Variants in TCHP observed in about 807,000 individuals in gnomAD.
The protein encoded by TCHP is trichoplein keratin filament-binding protein.
Under a neutral mutation model 88.7 loss-of-function variants are expected in TCHP, and 81 were observed. The observed-to-expected ratio is 0.91, with a 90% CI of 0.76 to 1.10. The LOEUF (loss-of-function observed/expected upper bound fraction) is 1.10. Ranked by LOEUF, TCHP falls within the 50% of genes least tolerant of loss-of-function variation. The pLI is 0.00. For synonymous variants in TCHP, 232 were observed against 232.5 expected (o/e 1.00, Z 0.02); for missense variants, 641 against 632.1 (o/e 1.01, Z -0.15).
Position 109,914,457 on chromosome 12 carries a change from C to G in TCHP, c.1150C>G (p.Gln384Glu), listed in dbSNP as rs1183424191. 3.1e-6 allele frequency: 5 copies of G among 1,612,942 alleles called. No individual in the cohort carries two copies. Among genetic ancestry groups the G allele is most frequent in the Non-Finnish European group, 3.4e-6 (4 of 1,179,284 alleles). ...CTGAGGTTAGGTTCTGACAGGGAGA[C>G]AACAGCAAATACAAGAGAAGATTGA... ...RLMSEVLTGR[Q>E]QQIQEKIEQN... Residue 384 changes from glutamine (Q) to glutamate (E), a missense_variant, in exon 11 of 13, where the codon CAA becomes GAA. Gln to Glu is a conservative substitution (Grantham distance 29, BLOSUM62 2). Transcript: ENST00000405876.
chr12:109,892,846 G>A, the TCHP span, among the ~76,000 whole-genome samples: 1 of 152,050 alleles, frequency 6.6e-6, no homozygotes, highest in Non-Finnish European at 1.5e-5. Context: ...GGTCACCCAG[G>A]AACAGGACAA....
chr12:109,886,209 C>T, the TCHP span, among the ~76,000 whole-genome samples: 1 of 152,112 alleles, frequency 6.6e-6, no homozygotes. Flanking sequence ...GCGATCTCGG[C>T]TCACTAAAAC....
rs564947985 is a variant in TCHP at position 109,914,273 on chromosome 12, C to T, written c.1135-169C>T. The stretch of plus-strand genomic sequence containing the variant: ...TTTCTTGTATACTGGCAAGCGTGGC[C>T]GACATCGTGAGAGCAAATCCTGTCA... On this transcript the variant is annotated intron_variant, in intron 10 of 12. Coordinates refer to ENST00000405876, the MANE Select transcript of TCHP (RefSeq NM_001143852.2). 5.2e-4 allele frequency: 295 copies of T among 572,390 alleles called. 1 individual carries two copies. The highest frequency in any genetic ancestry group is 1.8e-3 in the Middle Eastern group (4 of 2,250). The allele number at this position is 572,390 out of a possible 1,614,324, so 35.5% of individuals were successfully genotyped here.
intron 1 of TCHP, among the ~76,000 whole-genome samples, chr12:109,902,248 A>G (rs7956131): frequency 0.15 from 22,129 of 151,880 alleles, 2,476 homozygotes; most frequent in African/African-American, 0.32. Context: ...ATGGCTCGCT[A>G]CAGCCGTGAC....
At chr12:109,898,979 C>T (rs144127575), upstream of TCHP, among the ~76,000 whole-genome samples, 115 of 152,144 alleles carry the variant, frequency 7.6e-4, 1 homozygote, top group Middle Eastern at 3.4e-3. Flanking sequence ...CCATCATGCC[C>T]GGCTAATTTT....
At chr12:109,907,256 T>C (rs1234955430) in intron 5 of TCHP, among the ~76,000 whole-genome samples, 1 of 152,252 alleles carries the variant, frequency 6.6e-6, no homozygotes, top group Admixed American at 6.5e-5. Flanking sequence ...CTCGCAGCCC[T>C]GGCTTACTGT....
intron 11 of TCHP, chr12:109,914,990 C>T (rs1430067862): frequency 1.8e-5 from 7 of 398,072 alleles, no homozygotes; most frequent in South Asian, 2.4e-5. Context: ...GTACACGCCA[C>T]GCATATGTAT....
At chr12:109,896,193 C>T (rs926767334), upstream of TCHP, among the ~76,000 whole-genome samples, 3 of 152,146 alleles carry the variant, frequency 2.0e-5, no homozygotes, top group African/African-American at 4.8e-5. Context: ...GTGATCCATC[C>T]GCCTTGGCCT....
rs748406423 is a variant in TCHP, at chr12:109,903,108, G to A, written c.82G>A (p.Ala28Thr). The A allele has an allele frequency of 1.2e-6, 2 of 1,614,104 alleles. No homozygotes were observed. The highest frequency in any genetic ancestry group is 1.1e-5 in the South Asian group (1 of 91,080). ...QQLARQREQE[A>T]RLRQQWEQNS... is the part of the protein sequence containing the mutation. ...GCTAGCACGACAGCGAGAGCAGGAG[G>A]CCCGGCTTCGGCAGCAGTGGGAGCA... The change falls in exon 2 of 13, where the codon GCC becomes ACC. Residue 28 changes from alanine to threonine, a missense_variant. Ala to Thr is a moderately conservative substitution (Grantham distance 58, BLOSUM62 0). Transcript: ENST00000405876. The surrounding 1 kb of genome is among the most constrained non-coding windows in gnomAD (Gnocchi z 4.6).
chr12:109,911,376 C>T, intron 9 of TCHP, 141 bp downstream of exon 9: 1 of 512,174 alleles, frequency 2.0e-6, no homozygotes, highest in South Asian at 2.9e-5. Flanking sequence ...CTTTGAGAGG[C>T]CGAGGCAGGT....
Position 109,915,422 on chromosome 12 carries a change from A to G in TCHP, c.1340A>G (p.Gln447Arg), listed in dbSNP as rs771810814. 1 of 1,614,152 alleles carries G rather than the reference A, an allele frequency of 6.2e-7. No individual in the cohort carries two copies. The highest frequency in any genetic ancestry group is 2.2e-5 in the East Asian group (1 of 44,880). Residue 447 changes from glutamine (Q) to arginine (R), a missense_variant, in exon 12 of 13, where the codon CAG becomes CGG. By Grantham distance (43) the Gln-to-Arg change is conservative. Coordinates refer to ENST00000405876, the MANE Select transcript of TCHP (RefSeq NM_001143852.2). ...ACTCAGGTTGCAGAGCGCCGGCTGC[A>G]GGCATGGGAAGCAGACCAGCAGGAG... is the stretch of plus-strand genomic sequence containing the variant. ...LEAQVAERRL[Q>R]AWEADQQEEE...
chr12:109,912,880 C>A, intron 9 of TCHP, 111 bp from the exon 10 acceptor site: 1 of 779,138 alleles, frequency 1.3e-6, no homozygotes, highest in Non-Finnish European at 2.3e-6. Flanking sequence ...GGATGTTTAT[C>A]TGCAGTGTGG....
the TCHP span, among the ~76,000 whole-genome samples, chr12:109,883,600 C>T: frequency 3.9e-5 from 6 of 152,094 alleles, no homozygotes; most frequent in Non-Finnish European, 7.4e-5. Flanking sequence ...TGCCCCGCCC[C>T]GCACCCTGTC....
rs2136070187 is a variant in TCHP at position 109,905,265 on chromosome 12, G to T, written c.456+472G>T. Reference sequence around the variant, plus strand: ...ATGTGACTGTGAGAACCAGGCTTGAGACTCGAGAACAGAGCGAGCCCTGGG... The same window carrying T: ...ATGTGACTGTGAGAACCAGGCTTGATACTCGAGAACAGAGCGAGCCCTGGG... On this transcript the variant is annotated intron_variant, in intron 4 of 12. Coordinates refer to ENST00000405876, the MANE Select transcript of TCHP (RefSeq NM_001143852.2). This position sits in a 1 kb window ranked among gnomAD's most constrained non-coding sequence, Gnocchi z 4.0. 6.6e-6 allele frequency among the ~76,000 whole-genome samples: 1 copy of T among 152,356 alleles called. No individual in the cohort carries two copies. The highest frequency in any genetic ancestry group is 2.4e-5 in the African/African-American group (1 of 41,596).
Position 109,917,783 on chromosome 12 carries a change from A to G in TCHP, c.*1160A>G, listed in dbSNP as rs1870896431. On this transcript the variant is annotated 3_prime_UTR_variant, in exon 13 of 13. Coordinates refer to ENST00000405876, the MANE Select transcript of TCHP (RefSeq NM_001143852.2). ...TTTAGTTTTCATCACATTATGTTCA[A>G]GATTCCATATCTCCGTAAATTACAG... 6.6e-6 allele frequency: 1 copy of G among 152,630 alleles called. No individual in the cohort carries two copies. Among genetic ancestry groups the G allele is most frequent in the Non-Finnish European group, 1.5e-5 (1 of 68,046 alleles). 9.5% of individuals were successfully genotyped at this position (152,630 alleles called of 1,614,324 possible).
At position 109,904,020 on chromosome 12, in the gene TCHP, T is replaced by C. The variant is rs144765573; in HGVS notation, c.272T>C (p.Met91Thr). Residue 91 changes from methionine (M) to threonine (T), a missense_variant, in exon 3 of 13, where the codon ATG becomes ACG. Transcript: ENST00000405876. ...EARREKLRQLMQEEQDLLARE... is the reference protein window; with the variant it reads ...EARREKLRQLTQEEQDLLARE... ...CGACGGGAAAAGCTCAGGCAGCTCA[T>C]GCAGGAGGAGCAGGACCTGCTGGCC... 7 of 1,609,982 alleles carry C rather than the reference T, an allele frequency of 4.3e-6. No individual in the cohort carries two copies. Among genetic ancestry groups the C allele is most frequent in the Non-Finnish European group, 5.9e-6 (7 of 1,178,260 alleles).
intron 9 of TCHP, among the ~76,000 whole-genome samples, chr12:109,912,074 G>A (rs554096308): frequency 2.0e-5 from 3 of 152,316 alleles, no homozygotes; most frequent in South Asian, 2.1e-4. Context: ...GATTACAGGC[G>A]TGAGCCACTA....
the TCHP span, among the ~76,000 whole-genome samples, chr12:109,893,863 C>CAG: frequency 3.3e-3 from 496 of 151,898 alleles, 5 homozygotes; most frequent in Admixed American, 1.0e-2. Context: ...CCAATGGGGA[C>CAG]AGAGAGAGAG....
intron 4 of TCHP, 147 bp from the exon 5 acceptor site, chr12:109,906,425 C>G (rs1202127694): frequency 4.7e-6 from 3 of 635,696 alleles, no homozygotes; most frequent in Non-Finnish European, 8.3e-6. Flanking sequence ...ACCCCACGCT[C>G]TCTACTAGAC....
Sources: allele counts gnomAD v4.1 joint callset (sites outside exome capture counted in the v4.1 genomes callset), GRCh38; gene constraint gnomAD v4.1.1; non-coding constraint Gnocchi (gnomAD v3.1); transcripts MANE v1.5; gene names NCBI Gene and HGNC (gene_info 2026-07-23, HGNC 2026-07-21).